ERCC6L2: variants seen among roughly 807,000 people sequenced by gnomAD.
ERCC6L2 encodes DNA excision repair protein ERCC-6-like 2.
Under a neutral mutation model 132.0 loss-of-function variants are expected in ERCC6L2, and 77 were observed. The observed-to-expected ratio is 0.58, with a 90% CI of 0.49 to 0.71. The LOEUF is 0.71. Among genes scored for constraint, ERCC6L2 ranks in the 30% least tolerant of loss-of-function variants. The pLI is 0.00. For missense variants in ERCC6L2, 1,542 were observed against 1,837.6 expected, an observed-to-expected ratio of 0.84 and a Z score of 2.94; for synonymous variants, 583 against 632.4, an observed-to-expected ratio of 0.92 and a Z score of 1.17.
At chr9:95,877,197 GA>G (rs1330007026) in intron 1 of ERCC6L2, 1 of 152,146 alleles carries the variant, frequency 6.6e-6, no homozygotes, top group Non-Finnish European at 1.5e-5. Context: ...AATCCAACAG[GA>G]AATCTTAACA....
At chr9:95,999,732 A>T (rs1193638844) in intron 17 of ERCC6L2, among the ~76,000 whole-genome samples, 1 of 151,934 alleles carries the variant, frequency 6.6e-6, no homozygotes, top group Non-Finnish European at 1.5e-5. Context: ...CTCATCTCAT[A>T]GTAACGAATG....
In ERCC6L2 at chr9:96,012,641, C is replaced by T. The variant is rs574050301; in HGVS notation, c.4091C>T (p.Thr1364Ile). Residue 1364 changes from threonine (T) to isoleucine (I), a missense_variant, in exon 19 of 19, where the codon ACT becomes ATT. By Grantham distance (89) the Thr-to-Ile change is moderately conservative (BLOSUM62 -1). Transcript: ENST00000653738. ...AETKKSPVSSTQEIDSGKNSQ... is the reference protein window; with the variant it reads ...AETKKSPVSSIQEIDSGKNSQ... ...ACTAAGAAATCACCTGTTAGTTCTA[C>T]TCAAGAGATTGACAGTGGGAAAAAC... is the stretch of plus-strand genomic sequence containing the variant. 122 of 1,367,538 alleles carry T rather than the reference C, an allele frequency of 8.9e-5. 1 individual carries two copies. The South Asian group carries it at 1.3e-3, about 15-fold the overall frequency. The allele number at this position is 1,367,538 out of a possible 1,614,324, so 84.7% of individuals were successfully genotyped here.
intron 17 of ERCC6L2, among the ~76,000 whole-genome samples, chr9:95,981,963 G>A (rs1286730690): frequency 3.9e-5 from 6 of 152,110 alleles, no homozygotes; most frequent in Admixed American, 3.9e-4. Flanking sequence ...CTGAATCCAA[G>A]CCAAAATATA....
Position 95,907,247 on chromosome 9 carries a change from G to A in ERCC6L2, c.764G>A (p.Arg255His), listed in dbSNP as rs369782292. ...GCTCTAACAACTTATGAAACACTAC[G>A]CTTATGCCTGGATGAACTTAACAGG... is the stretch of plus-strand genomic sequence containing the variant. Reference protein sequence around the residue: ...EIALTTYETLRLCLDELNSLE... With the variant: ...EIALTTYETLHLCLDELNSLE... The change falls in exon 4 of 19, where the codon CGC becomes CAC. Residue 255 changes from arginine (R) to histidine (H), a missense_variant. Coordinates refer to ENST00000653738, the MANE Select transcript of ERCC6L2 (RefSeq NM_020207.7). The A allele has an allele frequency of 1.2e-5, 19 of 1,610,858 alleles. No individual in the cohort carries two copies. In the East Asian group the frequency reaches 1.8e-4, roughly 15 times the overall value.
intron 18 of ERCC6L2, among the ~76,000 whole-genome samples, chr9:96,007,243 G>A (rs1833891191): frequency 6.6e-6 from 1 of 152,220 alleles, no homozygotes; most frequent in Admixed American, 6.5e-5. Context: ...CAGGGACATG[G>A]AGGTTGAGCT....
Position 95,915,683 on chromosome 9 carries a change from T to G in ERCC6L2, c.804T>G (p.Ala268=). 1 of 1,612,890 alleles carries G rather than the reference T, an allele frequency of 6.2e-7. No homozygotes were observed. The highest frequency in any genetic ancestry group is 1.3e-5 in the African/African-American group (1 of 74,976). ...TACTTTATAGTTTGGAATGGTCAGCTGTCATTGTGGATGAAGCTCATAGAA... is the reference window on the plus strand; with the variant it reads ...TACTTTATAGTTTGGAATGGTCAGCGGTCATTGTGGATGAAGCTCATAGAA... ...LDELNSLEWS[A]VIVDEAHRIK... The change falls in exon 5 of 19, where the codon GCT becomes GCG. Residue 268 remains alanine (A), a synonymous_variant. Transcript: ENST00000653738.
intron 19 of ERCC6L2, among the ~76,000 whole-genome samples, chr9:96,031,289 T>G (rs748677495): frequency 6.6e-6 from 1 of 152,162 alleles, no homozygotes. Flanking sequence ...TGTTTTGTTT[T>G]GTTTCTTTGG....
chr9:95,982,772 C>T (rs892975224), intron 17 of ERCC6L2, among the ~76,000 whole-genome samples: 1 of 152,046 alleles, frequency 6.6e-6, no homozygotes, highest in Admixed American at 6.6e-5. Flanking sequence ...TGTGTTTCTA[C>T]ACCTAGAACT....
At chr9:95,953,827 A>G (rs993859281) in intron 12 of ERCC6L2, among the ~76,000 whole-genome samples, 2 of 152,190 alleles carry the variant, frequency 1.3e-5, no homozygotes, top group Non-Finnish European at 2.9e-5. Flanking sequence ...GAAAAGTCTA[A>G]TCTGAGGGAA....
At chr9:95,947,776 G>C (rs577876626) in intron 12 of ERCC6L2, among the ~76,000 whole-genome samples, 1 of 152,270 alleles carries the variant, frequency 6.6e-6, no homozygotes, top group East Asian at 1.9e-4. Flanking sequence ...ACTCTACTCT[G>C]CCTGTGCTTT....
intron 17 of ERCC6L2, among the ~76,000 whole-genome samples, chr9:95,999,815 G>C (rs1833597663): frequency 6.6e-6 from 1 of 151,598 alleles, no homozygotes; most frequent in Non-Finnish European, 1.5e-5. Context: ...ATTTTGTTTT[G>C]TGATAGTAAA....
At chr9:95,937,145 G>A (rs1260894047) in intron 11 of ERCC6L2, among the ~76,000 whole-genome samples, 4 of 152,116 alleles carry the variant, frequency 2.6e-5, no homozygotes, top group African/African-American at 9.7e-5. Flanking sequence ...GCTAAATATT[G>A]CAACTGCTGC....
chr9:96,003,924 A>G (rs932312173), intron 17 of ERCC6L2, among the ~76,000 whole-genome samples: 18 of 152,348 alleles, frequency 1.2e-4, no homozygotes, highest in African/African-American at 4.3e-4. Flanking sequence ...CCTCACTGTC[A>G]GTAAAATTTA....
intron 19 of ERCC6L2, chr9:96,025,677 A>C (rs1254997796): frequency 2.0e-5 from 3 of 152,236 alleles, no homozygotes; most frequent in African/African-American, 7.2e-5. Flanking sequence ...GTTGAAATGC[A>C]GTATTAATCA....
At chr9:95,894,127 A>G (rs1029143292) in intron 2 of ERCC6L2, among the ~76,000 whole-genome samples, 10 of 152,210 alleles carry the variant, frequency 6.6e-5, no homozygotes, top group African/African-American at 2.4e-4. Flanking sequence ...ATAGTTGGGC[A>G]GAATCATCTA....
intron 4 of ERCC6L2, 92 bp from the exon 5 acceptor site, chr9:95,915,576 A>G: frequency 1.5e-6 from 2 of 1,346,920 alleles, no homozygotes; most frequent in Non-Finnish European, 1.0e-6. Context: ...AAATAATTCC[A>G]AAACTTTGAT....
chr9:96,020,247 T>C (rs1834261700), downstream of ERCC6L2: 1 of 161,390 alleles, frequency 6.2e-6, no homozygotes, highest in Non-Finnish European at 1.4e-5. Flanking sequence ...CATGATTCAA[T>C]TACCTCCACC....
intron 18 of ERCC6L2, among the ~76,000 whole-genome samples, chr9:96,009,388 C>T (rs1214901464): frequency 9.9e-5 from 15 of 152,168 alleles, no homozygotes; most frequent in Non-Finnish European, 1.5e-4. Context: ...AAGACTGCAC[C>T]TCCCTCTACT....
At chr9:95,968,361 T>C (rs981452569) in intron 14 of ERCC6L2, 4 of 152,184 alleles carry the variant, frequency 2.6e-5, no homozygotes, top group Admixed American at 2.6e-4. Flanking sequence ...GCCCTACATT[T>C]GTCTTGCTAG....
Sources: gnomAD v4.1 joint callset for allele counts (sites outside exome capture counted in the v4.1 genomes callset) on GRCh38, gnomAD v4.1.1 for gene constraint, MANE v1.5 for transcripts, NCBI Gene and HGNC (gene_info 2026-07-23, HGNC 2026-07-21) for gene names.